Variants in HS6ST3 observed in about 807,000 individuals in gnomAD.
The protein encoded by HS6ST3 is heparan sulfate 6-O-sulfotransferase 3.
A neutral mutation model predicts 36.7 loss-of-function variants in HS6ST3; 12 were observed. The observed-to-expected ratio is 0.33, with a 90% CI of 0.21 to 0.53. The LOEUF (loss-of-function observed/expected upper bound fraction) is 0.53, where lower values mean the gene tolerates loss of function less well. Ranked by LOEUF, HS6ST3 falls within the 20% of genes least tolerant of loss-of-function variation. The pLI, the probability that HS6ST3 is intolerant of heterozygous loss-of-function variation, is 0.95. For missense variants in HS6ST3, 584 were observed against 640.9 expected (o/e 0.91, Z 0.96); for synonymous variants, 240 against 257.5 (o/e 0.93, Z 0.65).
At chr13:96,595,289 C>G (rs776349769) in intron 1 of HS6ST3, among the ~76,000 whole-genome samples, 2 of 152,326 alleles carry the variant, frequency 1.3e-5, no homozygotes, top group East Asian at 3.9e-4. Context: ...TCAAGTAATA[C>G]TCCTGTCTTG....
intron 1 of HS6ST3, among the ~76,000 whole-genome samples, chr13:96,671,134 C>T (rs1193344324): frequency 2.0e-5 from 3 of 152,140 alleles, no homozygotes; most frequent in Admixed American, 2.0e-4. Context: ...ATTTTTGCTA[C>T]AGCAGCTGCC....
At chr13:96,350,744 T>G (rs2055177888) in intron 1 of HS6ST3, among the ~76,000 whole-genome samples, 1 of 152,214 alleles carries the variant, frequency 6.6e-6, no homozygotes. Flanking sequence ...GGAGGGTGTT[T>G]TAACACCTGC....
intron 1 of HS6ST3, among the ~76,000 whole-genome samples, chr13:96,127,739 G>C (rs1043679137): frequency 6.6e-6 from 1 of 152,112 alleles, no homozygotes; most frequent in African/African-American, 2.4e-5. Flanking sequence ...CCTTAGTTCT[G>C]CTCTTATTCT....
Position 96,549,098 on chromosome 13 carries a change from A to G in HS6ST3, c.708-283392A>G, listed in dbSNP as rs531415240. 1.5e-4 allele frequency among the ~76,000 whole-genome samples: 23 copies of G among 152,278 alleles called. No homozygotes were observed. In the South Asian group the frequency reaches 4.1e-3, roughly 27 times the overall value. On this transcript the variant is annotated intron_variant, in intron 1 of 1. Coordinates refer to ENST00000376705, the MANE Select transcript of HS6ST3 (RefSeq NM_153456.4). ...CCTCATACGGTGCAGTTTGAGGTAC[A>G]TTAGCTCCCCTGTTGCCCTTTCTCC...
At position 96,434,082 on chromosome 13, in the gene HS6ST3, A is replaced by C. The variant is rs149562640; in HGVS notation, c.707+342513A>C. Among the ~76,000 whole-genome samples the C allele has an allele frequency of 3.3e-5, 5 of 152,348 alleles. No individual in the cohort carries two copies. In the East Asian group the frequency reaches 7.7e-4, roughly 23 times the overall value. On this transcript the variant is annotated intron_variant, in intron 1 of 1. Transcript: ENST00000376705. ...GGAAGAAGATAGCAGTCTGCAAGTCATGTGGAGGGCTCAGAAGAAATCACC... is the reference window on the plus strand; with the variant it reads ...GGAAGAAGATAGCAGTCTGCAAGTCCTGTGGAGGGCTCAGAAGAAATCACC...
At chr13:96,102,406 C>T (rs948556716) in intron 1 of HS6ST3, among the ~76,000 whole-genome samples, 2 of 152,076 alleles carry the variant, frequency 1.3e-5, no homozygotes, top group African/African-American at 4.8e-5. Flanking sequence ...TGCTTGAACC[C>T]AGGAGGGGGA....
At chr13:96,180,096 A>AT in intron 1 of HS6ST3, among the ~76,000 whole-genome samples, 1 of 152,022 alleles carries the variant, frequency 6.6e-6, no homozygotes, top group Admixed American at 6.6e-5. Flanking sequence ...CAGCCTCCCA[A>AT]AGTGTTGGGA....
At chr13:96,524,825 G>A (rs1482212577) in intron 1 of HS6ST3, among the ~76,000 whole-genome samples, 5 of 152,194 alleles carry the variant, frequency 3.3e-5, no homozygotes, top group Admixed American at 6.5e-5. Context: ...ATGAGGCAAC[G>A]CTCTGCCCTG....
intron 1 of HS6ST3, among the ~76,000 whole-genome samples, chr13:96,608,292 A>G (rs574344818): frequency 6.6e-6 from 1 of 152,370 alleles, no homozygotes; most frequent in East Asian, 1.9e-4. Flanking sequence ...AGTAATTTCA[A>G]CTAATAAATG....
chr13:96,726,548 A>G (rs188450857), intron 1 of HS6ST3, among the ~76,000 whole-genome samples: 1 of 152,242 alleles, frequency 6.6e-6, no homozygotes, highest in Non-Finnish European at 1.5e-5. Context: ...GTTTTTAAAT[A>G]TTGGTCTTTA....
intron 1 of HS6ST3, among the ~76,000 whole-genome samples, chr13:96,135,481 G>A (rs1398745781): frequency 2.0e-5 from 3 of 152,056 alleles, no homozygotes. Context: ...AATTATAAGA[G>A]GAATTTAAAG....
At chr13:96,196,140 A>G (rs2054311532) in intron 1 of HS6ST3, among the ~76,000 whole-genome samples, 1 of 152,106 alleles carries the variant, frequency 6.6e-6, no homozygotes, top group South Asian at 2.1e-4. Flanking sequence ...ATGAAATGTC[A>G]CACTGGGTCC....
chr13:96,260,173 T>C (rs1017694121), intron 1 of HS6ST3, among the ~76,000 whole-genome samples: 16 of 152,216 alleles, frequency 1.1e-4, no homozygotes, highest in African/African-American at 3.6e-4. Context: ...TTTGCAAGGA[T>C]CCTAGCTTGA....
At chr13:96,591,242 T>C (rs558240590) in intron 1 of HS6ST3, among the ~76,000 whole-genome samples, 2 of 152,192 alleles carry the variant, frequency 1.3e-5, no homozygotes, top group African/African-American at 4.8e-5. Flanking sequence ...ACATCACTGG[T>C]ATTTTTATAG....
intron 1 of HS6ST3, among the ~76,000 whole-genome samples, chr13:96,265,588 C>T (rs2054688296): frequency 6.6e-6 from 1 of 152,106 alleles, no homozygotes; most frequent in Admixed American, 6.5e-5. Flanking sequence ...GAACTATAGG[C>T]ACATAGGCTG....
chr13:96,175,694 CAA>C (rs4001570), intron 1 of HS6ST3, among the ~76,000 whole-genome samples: 107,585 of 140,814 alleles, frequency 0.76, 41,098 homozygotes, highest in Non-Finnish European at 0.82. Flanking sequence ...GTGAATTTGG[CAA>C]AAAAAAAAAA....
chr13:96,526,648 T>G (rs2056115560), intron 1 of HS6ST3, among the ~76,000 whole-genome samples: 1 of 152,346 alleles, frequency 6.6e-6, no homozygotes. Flanking sequence ...TTAGCAAAAC[T>G]TAGGGTATTA....
At chr13:96,256,566 A>G (rs189905716) in intron 1 of HS6ST3, among the ~76,000 whole-genome samples, 1 of 152,334 alleles carries the variant, frequency 6.6e-6, no homozygotes, top group Non-Finnish European at 1.5e-5. Context: ...ACATGCCTGG[A>G]GAGCAGAGAC....
At chr13:96,260,951 A>G (rs74581419) in intron 1 of HS6ST3, among the ~76,000 whole-genome samples, 2 of 152,094 alleles carry the variant, frequency 1.3e-5, no homozygotes, top group East Asian at 3.9e-4. Context: ...GGATTTTCTT[A>G]TAGTTAAGTC....
Sources: gnomAD v4.1 joint callset for allele counts (sites outside exome capture counted in the v4.1 genomes callset) on GRCh38, gnomAD v4.1.1 for gene constraint, MANE v1.5 for transcripts, NCBI Gene and HGNC (gene_info 2026-07-23, HGNC 2026-07-21) for gene names.